ING2: variants seen among roughly 807,000 people sequenced by gnomAD.
The protein encoded by ING2 is inhibitor of growth protein 2.
Under a neutral mutation model 30.6 loss-of-function variants are expected in ING2, and 7 were observed. That is an observed-to-expected ratio of 0.23 (90% CI 0.13 to 0.43). ING2 has a LOEUF of 0.43. Ranked by LOEUF, ING2 falls within the 20% of genes least tolerant of loss-of-function variation. The pLI, the probability that ING2 is intolerant of heterozygous loss-of-function variation, is 1.00. For synonymous variants in ING2, 136 were observed against 121.7 expected (o/e 1.12, Z -0.78); for missense variants, 239 against 334.9 (o/e 0.71, Z 2.24).
At position 183,511,572 on chromosome 4, in the gene ING2, C is replaced by G. The variant is rs1196888382; in HGVS notation, c.*620C>G. 1.3e-5 allele frequency among the ~76,000 whole-genome samples: 2 copies of G among 152,194 alleles called. No individual in the cohort carries two copies. Among genetic ancestry groups the G allele is most frequent in the Non-Finnish European group, 2.9e-5 (2 of 68,034 alleles). The stretch of plus-strand genomic sequence containing the variant: ...GATCCACTGTCAGTAGCCCATTTGT[C>G]AATGCCTTGCTGCTGCTTTGTAGAT... On this transcript the variant is annotated 3_prime_UTR_variant, in exon 2 of 2. Transcript: ENST00000302327.
chr4:183,505,447 G>GT (rs1734612629), intron 1 of ING2, 80 bp downstream of exon 1: 1 of 1,333,886 alleles, frequency 7.5e-7, no homozygotes, highest in African/African-American at 1.5e-5. Flanking sequence ...CCTTTCTCCC[G>GT]TGACAGTCTC....
Position 183,505,058 on chromosome 4 carries a change from G to T in ING2, c.-138G>T, listed in dbSNP as rs1734598123. The T allele has an allele frequency of 1.4e-6, 1 of 693,976 alleles. No homozygotes were observed. The highest frequency in any genetic ancestry group is 2.0e-6 in the Non-Finnish European group (1 of 493,370). 43.0% of individuals were successfully genotyped at this position (693,976 alleles called of 1,614,324 possible). Reference sequence around the variant, plus strand: ...TGCTCTGGGGGGAGTGGAGATCGGGGAGCGCGGCCGTGCCCTCTCGAGCGG... The same window carrying T: ...TGCTCTGGGGGGAGTGGAGATCGGGTAGCGCGGCCGTGCCCTCTCGAGCGG... On this transcript the variant is annotated 5_prime_UTR_variant, in exon 1 of 2. Transcript: ENST00000302327.
chr4:183,509,173 G>T (rs369304187), intron 1 of ING2, among the ~76,000 whole-genome samples: 2 of 152,198 alleles, frequency 1.3e-5, no homozygotes, highest in Non-Finnish European at 1.5e-5. Flanking sequence ...TGTTAAGAAT[G>T]TATGATGTGA....
rs372587337 is a variant in ING2 at position 183,505,272 on chromosome 4, G to A, written c.77G>A (p.Cys26Tyr). The A allele has an allele frequency of 8.2e-6, 13 of 1,587,598 alleles. No individual in the cohort carries two copies. Among genetic ancestry groups the A allele is most frequent in the African/African-American group, 1.4e-5 (1 of 73,888 alleles). Residue 26 changes from cysteine (C) to tyrosine (Y), a missense_variant, in exon 1 of 2, where the codon TGC becomes TAC. This residue lies in a region of ING2 where 80 missense variants were observed against 102.4 expected (regional missense o/e 0.78). Transcript: ENST00000302327. ...LTGERSRLLT[C>Y]YVQDYLECVE... Reference sequence around the variant, plus strand: ...GGGGAGCGGAGCCGGCTGCTCACCTGCTACGTGCAGGACTACCTTGAGTGC... The same window carrying A: ...GGGGAGCGGAGCCGGCTGCTCACCTACTACGTGCAGGACTACCTTGAGTGC...
At chr4:183,506,208 G>A in intron 1 of ING2, 1 of 1,303,442 alleles carries the variant, frequency 7.7e-7, no homozygotes, top group South Asian at 1.2e-5. Context: ...CCCCAGCGGA[G>A]TCCGAATCGG....
intron 1 of ING2, among the ~76,000 whole-genome samples, chr4:183,509,627 T>G (rs896906413): frequency 7.9e-5 from 12 of 151,960 alleles, no homozygotes; most frequent in Non-Finnish European, 1.0e-4. Flanking sequence ...TTTTGTATTT[T>G]TAGTAGAGAC....
At chr4:183,505,499 T>A (rs916702518) in intron 1 of ING2, 132 bp downstream of exon 1, 3 of 930,398 alleles carry the variant, frequency 3.2e-6, no homozygotes, top group Non-Finnish European at 4.6e-6. Flanking sequence ...CTGGGAGGAC[T>A]GGAGACCGGG....
In ING2 at chr4:183,510,614, G is replaced by C. The variant is rs748501216; in HGVS notation, c.505G>C (p.Gly169Arg). The C allele has an allele frequency of 6.2e-7, 1 of 1,614,074 alleles. No individual in the cohort carries two copies. The highest frequency in any genetic ancestry group is 2.2e-5 in the East Asian group (1 of 44,866). Residue 169 changes from glycine (G) to arginine (R), a missense_variant, in exon 2 of 2, where the codon GGG becomes CGG. Gly to Arg is a moderately radical substitution (Grantham distance 125). Coordinates refer to ENST00000302327, the MANE Select transcript of ING2 (RefSeq NM_001564.4). ...ESRDLCHMANGIEDCDDQPPK... is the reference protein window; with the variant it reads ...ESRDLCHMANRIEDCDDQPPK... ...CCGTGATTTATGTCACATGGCAAAT[G>C]GGATTGAAGACTGTGATGATCAGCC...
intron 1 of ING2, chr4:183,506,060 G>C (rs1332727625): frequency 4.5e-6 from 5 of 1,121,992 alleles, no homozygotes; most frequent in South Asian, 3.5e-5. Flanking sequence ...CGGGGGCGGG[G>C]CCTGCGGGCT....
In ING2 at chr4:183,510,339, A is replaced by G; in HGVS notation, c.230A>G (p.Asn77Ser). 1 of 1,610,696 alleles carries G rather than the reference A, an allele frequency of 6.2e-7. No homozygotes were observed. Among genetic ancestry groups the G allele is most frequent in the Non-Finnish European group, 8.5e-7 (1 of 1,179,118 alleles). The change falls in exon 2 of 2, where the codon AAC becomes AGC. Residue 77 changes from asparagine to serine, a missense_variant. By Grantham distance (46) the Asn-to-Ser change is conservative. Coordinates refer to ENST00000302327, the MANE Select transcript of ING2 (RefSeq NM_001564.4). Reference protein sequence around the residue: ...YEKYKKEDDLNQKKRLQQLLQ... With the variant: ...YEKYKKEDDLSQKKRLQQLLQ... ...AAATATAAGAAAGAAGATGATTTAAACCAGAAGAAACGTCTACAGCAGCTT... is the reference window on the plus strand; with the variant it reads ...AAATATAAGAAAGAAGATGATTTAAGCCAGAAGAAACGTCTACAGCAGCTT...
chr4:183,506,302 G>C (rs758268167), intron 1 of ING2: 10 of 1,304,204 alleles, frequency 7.7e-6, no homozygotes, highest in South Asian at 7.4e-5. Flanking sequence ...TCGGACCGTC[G>C]CGGATCCTGG....
At chr4:183,506,264 T>G in intron 1 of ING2, 1 of 1,304,234 alleles carries the variant, frequency 7.7e-7, no homozygotes, top group Non-Finnish European at 1.0e-6. Context: ...TCTTTCCCAG[T>G]CAATGGATCA....
In ING2 at chr4:183,506,137, G is replaced by A. The variant is rs1734640399; in HGVS notation, c.172+770G>A. Reference sequence around the variant, plus strand: ...GCCTGGAAAATGGCTGGTCGCGAGAGGGGCGGTGGCGAGCTGGCTGCTGGG... The same window carrying A: ...GCCTGGAAAATGGCTGGTCGCGAGAAGGGCGGTGGCGAGCTGGCTGCTGGG... On this transcript the variant is annotated intron_variant, in intron 1 of 1. Transcript: ENST00000302327. 4 of 1,245,676 alleles carry A rather than the reference G, an allele frequency of 3.2e-6. No individual in the cohort carries two copies. In the Admixed American group the frequency reaches 9.9e-5, roughly 31 times the overall value. 77.2% of individuals were successfully genotyped at this position (1,245,676 alleles called of 1,614,324 possible).
rs989086499 is a variant in ING2 at position 183,511,516 on chromosome 4, C to T, written c.*564C>T. Among the ~76,000 whole-genome samples the T allele has an allele frequency of 2.0e-5, 3 of 152,178 alleles. No homozygotes were observed. The highest frequency in any genetic ancestry group is 4.4e-5 in the Non-Finnish European group (3 of 68,034). ...GGAATAATGTGCTCTTATGAGAGTA[C>T]GTGCTGCTGTCTTTTGCTTAGTAGC... On this transcript the variant is annotated 3_prime_UTR_variant, in exon 2 of 2. Transcript: ENST00000302327.
chr4:183,506,176 C>G, intron 1 of ING2: 1 of 1,290,624 alleles, frequency 7.7e-7, no homozygotes, highest in Non-Finnish European at 1.0e-6. Context: ...GGAGTCGGGG[C>G]TGTGCGGGGG....
Position 183,510,621 on chromosome 4 carries a change from A to C in ING2, c.512A>C (p.Glu171Ala). 6.2e-7 allele frequency: 1 copy of C among 1,614,176 alleles called. No individual in the cohort carries two copies. Residue 171 changes from glutamate to alanine, a missense_variant, in exon 2 of 2, where the codon GAA becomes GCA. Physicochemically the swap from Glu to Ala is moderately radical, Grantham distance 107. Coordinates refer to ENST00000302327, the MANE Select transcript of ING2 (RefSeq NM_001564.4). ...RDLCHMANGI[E>A]DCDDQPPKEK... is the part of the protein sequence containing the mutation. ...TTATGTCACATGGCAAATGGGATTGAAGACTGTGATGATCAGCCACCTAAA... is the reference window on the plus strand; with the variant it reads ...TTATGTCACATGGCAAATGGGATTGCAGACTGTGATGATCAGCCACCTAAA...
Position 183,510,771 on chromosome 4 carries a change from C to T in ING2, c.662C>T (p.Ser221Phe). 6.2e-7 allele frequency: 1 copy of T among 1,614,162 alleles called. No individual in the cohort carries two copies. The highest frequency in any genetic ancestry group is 8.5e-7 in the Non-Finnish European group (1 of 1,180,034). Residue 221 changes from serine (S) to phenylalanine (F), a missense_variant, in exon 2 of 2, where the codon TCT becomes TTT. By Grantham distance (155) the Ser-to-Phe change is radical. Around this residue, in one of 5 missense-constraint regions of ING2, gnomAD observed 22 missense variants for 77.0 expected, o/e 0.29. Transcript: ENST00000302327. Reference protein sequence around the residue: ...EPTYCLCNQVSYGEMIGCDNE... With the variant: ...EPTYCLCNQVFYGEMIGCDNE... ...ACATACTGCTTATGCAACCAAGTGTCTTATGGGGAGATGATAGGATGTGAC... is the reference window on the plus strand; with the variant it reads ...ACATACTGCTTATGCAACCAAGTGTTTTATGGGGAGATGATAGGATGTGAC...
At chr4:183,506,216 C>A in intron 1 of ING2, 4 of 1,303,686 alleles carry the variant, frequency 3.1e-6, no homozygotes, top group Admixed American at 2.3e-5. Context: ...GAGTCCGAAT[C>A]GGGGTTTGCA....
At chr4:183,508,194 G>A (rs1579168884) in intron 1 of ING2, among the ~76,000 whole-genome samples, 1 of 151,822 alleles carries the variant, frequency 6.6e-6, no homozygotes, top group South Asian at 2.1e-4. Flanking sequence ...CACATAGAAG[G>A]GGCTGAGTAA....
Sources: gnomAD v4.1 joint callset for allele counts (sites outside exome capture counted in the v4.1 genomes callset) on GRCh38, gnomAD v4.1.1 for gene constraint, gnomAD v4.1.1 regional missense constraint, MANE v1.5 for transcripts, NCBI Gene and HGNC (gene_info 2026-07-23, HGNC 2026-07-21) for gene names.